ANO3: variants seen among roughly 807,000 people sequenced by gnomAD.
ANO3 encodes the protein anoctamin 3, also known as anoctamin-3.
ANO3 carries 99 observed loss-of-function variants against 144.8 expected under a neutral mutation model. That is an observed-to-expected ratio of 0.68 (90% CI 0.58 to 0.81). The LOEUF is 0.81. ANO3 is among the 30% of genes least tolerant of loss of function. ANO3 has a pLI of 0.00. For missense variants in ANO3, 905 were observed against 1,202.2 expected, an observed-to-expected ratio of 0.75 and a Z score of 3.66; for synonymous variants, 414 against 392.6, an observed-to-expected ratio of 1.05 and a Z score of -0.64.
chr11:26,476,356 A>G (rs556556494), intron 4 of ANO3, among the ~76,000 whole-genome samples: 1 of 152,224 alleles, frequency 6.6e-6, no homozygotes, highest in African/African-American at 2.4e-5. Flanking sequence ...AAGAAATGAA[A>G]GATGAGAAGT....
intron 1 of ANO3, among the ~76,000 whole-genome samples, chr11:26,265,614 A>G (rs766517741): frequency 7.9e-5 from 12 of 152,250 alleles, no homozygotes; most frequent in Non-Finnish European, 1.3e-4. Flanking sequence ...CATGAGCAAT[A>G]CCACCATCCA....
chr11:26,416,406 T>G (rs1857587053), intron 1 of ANO3, among the ~76,000 whole-genome samples: 1 of 151,976 alleles, frequency 6.6e-6, no homozygotes, highest in Non-Finnish European at 1.5e-5. Flanking sequence ...AGTGTTTTCC[T>G]GTTTTAGTTT....
At chr11:26,244,212 A>G (rs1254136370) in intron 1 of ANO3, among the ~76,000 whole-genome samples, 1 of 152,104 alleles carries the variant, frequency 6.6e-6, no homozygotes, top group African/African-American at 2.4e-5. Flanking sequence ...CCAAACATGT[A>G]GTTTTTACCT....
At chr11:26,263,559 G>T (rs1484739435) in intron 1 of ANO3, among the ~76,000 whole-genome samples, 1 of 152,172 alleles carries the variant, frequency 6.6e-6, no homozygotes, top group East Asian at 1.9e-4. Context: ...CTTTTCCACA[G>T]CCTCAGTATT....
upstream of ANO3, among the ~76,000 whole-genome samples, chr11:26,328,906 A>C (rs1469107039): frequency 2.0e-5 from 3 of 152,178 alleles, no homozygotes; most frequent in East Asian, 5.8e-4. Flanking sequence ...ACTTGCAAGC[A>C]TGATTACTCC....
intron 18 of ANO3, among the ~76,000 whole-genome samples, chr11:26,633,271 A>G (rs902864549): frequency 3.3e-5 from 5 of 152,194 alleles, no homozygotes; most frequent in Non-Finnish European, 7.3e-5. Flanking sequence ...GCATTATAAA[A>G]CCATAAGATG....
At position 26,656,623 on chromosome 11, in the gene ANO3, C is replaced by T. The variant is rs1378588290; in HGVS notation, c.2763+142C>T. 5 of 616,292 alleles carry T rather than the reference C, an allele frequency of 8.1e-6. No individual in the cohort carries two copies. The East Asian group carries it at 1.4e-4, about 17-fold the overall frequency. 38.2% of individuals were successfully genotyped at this position (616,292 alleles called of 1,614,324 possible). ...GTAAAAGGCTTTAATACAATGAAAG[C>T]ATTATTACAAGTACAGAAAAGCAAG... On this transcript the variant is annotated intron_variant, in intron 26 of 26. Coordinates refer to ENST00000256737, the MANE Select transcript of ANO3 (RefSeq NM_031418.4).
chr11:26,483,054 CA>C (rs1214007714), intron 4 of ANO3, among the ~76,000 whole-genome samples: 1 of 149,920 alleles, frequency 6.7e-6, no homozygotes, highest in Non-Finnish European at 1.5e-5. Flanking sequence ...ATTTTTTTTT[CA>C]ATATAATGAT....
At chr11:26,380,981 CA>C (rs1275748557) in intron 1 of ANO3, among the ~76,000 whole-genome samples, 1 of 152,026 alleles carries the variant, frequency 6.6e-6, no homozygotes, top group African/African-American at 2.4e-5. Flanking sequence ...GACTTCAACT[CA>C]AAAACAAAAC....
At chr11:26,634,094 A>AAAG in intron 18 of ANO3, 110 bp from the exon 19 acceptor site, 1 of 517,496 alleles carries the variant, frequency 1.9e-6, no homozygotes, top group Non-Finnish European at 3.4e-6. Flanking sequence ...AAAAAAAAAA[A>AAAG]AAAATTAAAT....
At chr11:26,539,926 C>T (rs450519) in intron 10 of ANO3, among the ~76,000 whole-genome samples, 108,136 of 152,054 alleles carry the variant, frequency 0.71, 38,754 homozygotes, top group East Asian at 0.84. Context: ...TTTTGTCAAA[C>T]TTTCATAAAG....
At chr11:26,584,343 G>A (rs946998885) in intron 14 of ANO3, among the ~76,000 whole-genome samples, 1 of 152,096 alleles carries the variant, frequency 6.6e-6, no homozygotes, top group Non-Finnish European at 1.5e-5. Context: ...ATTTTTAGTA[G>A]AGACAGGGTT....
intron 1 of ANO3, among the ~76,000 whole-genome samples, chr11:26,280,268 G>A (rs10834945): frequency 4.0e-5 from 6 of 151,806 alleles, no homozygotes; most frequent in Non-Finnish European, 5.9e-5. Context: ...CATCTACCCC[G>A]CTAGCCTTCA....
chr11:26,259,528 GT>G (rs747126056), intron 1 of ANO3, among the ~76,000 whole-genome samples: 89 of 136,292 alleles, frequency 6.5e-4, no homozygotes, highest in Non-Finnish European at 1.1e-3. Context: ...TGTGCCTGTA[GT>G]CCCAGCTACT....
intron 4 of ANO3, among the ~76,000 whole-genome samples, chr11:26,478,365 CT>C (rs920126722): frequency 1.4e-4 from 22 of 152,114 alleles, no homozygotes; most frequent in African/African-American, 5.1e-4. Context: ...TTCTGGCCCA[CT>C]TTAGGTCAAA....
At chr11:26,267,148 C>T (rs898199183) in intron 1 of ANO3, among the ~76,000 whole-genome samples, 2 of 150,816 alleles carry the variant, frequency 1.3e-5, no homozygotes, top group African/African-American at 4.9e-5. Context: ...TAAAGTCAAA[C>T]ATGGGCATGT....
intron 20 of ANO3, among the ~76,000 whole-genome samples, chr11:26,637,756 C>T (rs1196101446): frequency 7.7e-6 from 1 of 130,294 alleles, no homozygotes; most frequent in Non-Finnish European, 1.7e-5. Flanking sequence ...TGGGCTGGAA[C>T]AGGAAAAGCA....
intron 16 of ANO3, 86 bp downstream of exon 16, chr11:26,599,084 G>C (rs1027006184): frequency 2.1e-5 from 29 of 1,370,302 alleles, no homozygotes; most frequent in Non-Finnish European, 2.9e-5. Flanking sequence ...TTGTGACGTT[G>C]AGAATGTCAG....
intron 21 of ANO3, among the ~76,000 whole-genome samples, chr11:26,640,205 TTAA>T (rs1257857255): frequency 7.8e-6 from 1 of 127,616 alleles, no homozygotes; most frequent in Admixed American, 7.3e-5. Flanking sequence ...CTAAATTTGC[TTAA>T]TATTTCCTTG....
Sources: allele counts gnomAD v4.1 joint callset (sites outside exome capture counted in the v4.1 genomes callset), GRCh38; gene constraint gnomAD v4.1.1; transcripts MANE v1.5; gene names NCBI Gene and HGNC (gene_info 2026-07-23, HGNC 2026-07-21).